STX8: variants seen among roughly 807,000 people sequenced by gnomAD.
STX8 encodes syntaxin 8, also known as syntaxin-8.
Under a neutral mutation model 37.5 loss-of-function variants are expected in STX8, and 23 were observed. The observed-to-expected ratio is 0.61, with a 90% confidence interval of 0.44 to 0.87. The LOEUF is 0.87. Ranked by LOEUF, STX8 falls within the 40% of genes least tolerant of loss-of-function variation. The pLI, the probability that STX8 is intolerant of heterozygous loss-of-function variation, is 0.00. For missense variants in STX8, 313 were observed against 284.7 expected (o/e 1.10, Z -0.71); for synonymous variants, 115 against 99.1 (o/e 1.16, Z -0.95).
At chr17:9,523,208 A>G (rs1323962684) in intron 4 of STX8, among the ~76,000 whole-genome samples, 1 of 151,200 alleles carries the variant, frequency 6.6e-6, no homozygotes, top group Non-Finnish European at 1.5e-5. Flanking sequence ...GCTACTTGGG[A>G]GGCTGAGGCA....
At chr17:9,479,391 G>T (rs1906224250) in intron 6 of STX8, among the ~76,000 whole-genome samples, 1 of 151,756 alleles carries the variant, frequency 6.6e-6, no homozygotes, top group African/African-American at 2.4e-5. Flanking sequence ...AAAATTAGCT[G>T]GGCATGGTGG....
chr17:9,295,362 A>G (rs966120182), intron 7 of STX8, among the ~76,000 whole-genome samples: 2 of 152,360 alleles, frequency 1.3e-5, no homozygotes, highest in East Asian at 3.9e-4. Context: ...AGTCAACTTT[A>G]TAGTCCTGGT....
rs111345933 is a variant in STX8 at position 9,454,862 on chromosome 17, C to T, written c.541+36967G>A. Among the ~76,000 whole-genome samples, 8 of 151,558 alleles carry T rather than the reference C, an allele frequency of 5.3e-5. 1 individual carries two copies. Among genetic ancestry groups the T allele is most frequent in the African/African-American group, 1.9e-4 (8 of 41,316 alleles). On this transcript the variant is annotated intron_variant, in intron 6 of 7. Coordinates refer to ENST00000306357, the MANE Select transcript of STX8 (RefSeq NM_004853.3). ...GAGGATGGATCATCCTCTTTGGAGACAAAAAAAATTATCTTACACTCAGGA... is the reference window on the plus strand; with the variant it reads ...GAGGATGGATCATCCTCTTTGGAGATAAAAAAAATTATCTTACACTCAGGA...
chr17:9,550,308 G>A (rs981247819), intron 3 of STX8, among the ~76,000 whole-genome samples: 2 of 151,902 alleles, frequency 1.3e-5, no homozygotes, highest in African/African-American at 4.8e-5. Flanking sequence ...AATAGCCAAG[G>A]AAGAAGATAA....
chr17:9,444,740 C>T (rs1236248457), intron 6 of STX8, among the ~76,000 whole-genome samples: 1 of 152,114 alleles, frequency 6.6e-6, no homozygotes, highest in Non-Finnish European at 1.5e-5. Flanking sequence ...ACTTCCTGAC[C>T]TCTGAAAACA....
chr17:9,307,140 G>A (rs993857132), intron 7 of STX8, among the ~76,000 whole-genome samples: 1 of 151,668 alleles, frequency 6.6e-6, no homozygotes, highest in Non-Finnish European at 1.5e-5. Context: ...AATAAATAAA[G>A]TAAGTAAATA....
chr17:9,515,688 AATT>A (rs1567593550), intron 4 of STX8, among the ~76,000 whole-genome samples: 1 of 151,960 alleles, frequency 6.6e-6, no homozygotes, highest in Non-Finnish European at 1.5e-5. Context: ...GCACCTGGCT[AATT>A]ATTTTTATTA....
intron 7 of STX8, among the ~76,000 whole-genome samples, chr17:9,361,861 G>A (rs1260323436): frequency 1.3e-5 from 2 of 152,130 alleles, no homozygotes; most frequent in African/African-American, 4.8e-5. Context: ...ATCCAAAGAA[G>A]ATAATCCATG....
intron 6 of STX8, 95 bp downstream of exon 6, chr17:9,491,734 T>C (rs1906859299): frequency 3.7e-6 from 4 of 1,071,854 alleles, no homozygotes; most frequent in Non-Finnish European, 5.5e-6. Flanking sequence ...TAAACCACTT[T>C]ACATGTTGTA....
intron 6 of STX8, among the ~76,000 whole-genome samples, chr17:9,380,963 C>T (rs2142288079): frequency 6.6e-6 from 1 of 152,224 alleles, no homozygotes; most frequent in Non-Finnish European, 1.5e-5. Context: ...GATCCACCCA[C>T]CTCGACCTCC....
At chr17:9,279,443 G>T (rs1255854936) in intron 7 of STX8, among the ~76,000 whole-genome samples, 1 of 152,098 alleles carries the variant, frequency 6.6e-6, no homozygotes, top group Non-Finnish European at 1.5e-5. Flanking sequence ...TTTACCTAAG[G>T]TTTCAGAGCT....
chr17:9,437,844 T>C (rs963293329), intron 6 of STX8: 2 of 152,182 alleles, frequency 1.3e-5, no homozygotes, highest in Admixed American at 6.5e-5. Context: ...TTTGCGGCCA[T>C]TGCAGTGATT....
intron 4 of STX8, among the ~76,000 whole-genome samples, chr17:9,524,488 C>A (rs999243512): frequency 1.3e-5 from 2 of 152,144 alleles, no homozygotes; most frequent in Non-Finnish European, 1.5e-5. Flanking sequence ...TTCTTGAGGG[C>A]AGAGTCCTCA....
At chr17:9,556,371 C>T (rs1321692705) in intron 3 of STX8, among the ~76,000 whole-genome samples, 1 of 152,138 alleles carries the variant, frequency 6.6e-6, no homozygotes, top group Non-Finnish European at 1.5e-5. Context: ...AACCAATATA[C>T]ACTTGGGTGT....
chr17:9,289,930 G>A (rs1377127467), intron 7 of STX8, among the ~76,000 whole-genome samples: 1 of 152,196 alleles, frequency 6.6e-6, no homozygotes, highest in Non-Finnish European at 1.5e-5. Context: ...AAAACAATGA[G>A]TGATAACTAA....
chr17:9,358,725 C>T (rs150792749), intron 7 of STX8, among the ~76,000 whole-genome samples: 4 of 152,070 alleles, frequency 2.6e-5, no homozygotes, highest in African/African-American at 9.6e-5. Context: ...GGGCATGAGG[C>T]CTTTAAAAGG....
intron 7 of STX8, among the ~76,000 whole-genome samples, chr17:9,261,099 C>T (rs147635964): frequency 2.0e-4 from 30 of 152,262 alleles, no homozygotes; most frequent in Admixed American, 1.2e-3. Context: ...GAGAGCTGGA[C>T]GGCAGCCTAG....
At chr17:9,276,126 G>A (rs903760630) in intron 7 of STX8, among the ~76,000 whole-genome samples, 2 of 152,086 alleles carry the variant, frequency 1.3e-5, no homozygotes, top group African/African-American at 4.8e-5. Context: ...TCAAGCCATA[G>A]GGCCCTGGGC....
intron 7 of STX8, among the ~76,000 whole-genome samples, chr17:9,280,412 G>C (rs1907840540): frequency 6.6e-6 from 1 of 152,186 alleles, no homozygotes; most frequent in Non-Finnish European, 1.5e-5. Flanking sequence ...AATTAGCCGG[G>C]TGTGGTGGCG....
Sources: allele counts gnomAD v4.1 joint callset (sites outside exome capture counted in the v4.1 genomes callset), GRCh38; gene constraint gnomAD v4.1.1; transcripts MANE v1.5; gene names NCBI Gene and HGNC (gene_info 2026-07-23, HGNC 2026-07-21).